Variants in UBTD2 observed in about 807,000 individuals in gnomAD.
The protein encoded by UBTD2 is ubiquitin domain-containing protein 2.
Under a neutral mutation model 19.8 loss-of-function variants are expected in UBTD2, and 9 were observed. The observed-to-expected ratio is 0.46, with a 90% CI of 0.27 to 0.79. UBTD2 has a LOEUF of 0.79. Ranked by LOEUF, UBTD2 falls within the 30% of genes least tolerant of loss-of-function variation. The pLI, the probability that UBTD2 is intolerant of heterozygous loss-of-function variation, is 0.14. For synonymous variants in UBTD2, 98 were observed against 103.9 expected (o/e 0.94, Z 0.35); for missense variants, 250 against 300.4 (o/e 0.83, Z 1.24).
chr5:172,209,956 T>G lies in UBTD2; in HGVS notation c.*1874A>C, dbSNP rs1468423438. 2 of 152,296 alleles carry G rather than the reference T, an allele frequency of 1.3e-5. No individual in the cohort carries two copies. Among genetic ancestry groups the G allele is most frequent in the Non-Finnish European group, 2.9e-5 (2 of 68,034 alleles). 9.4% of individuals were successfully genotyped at this position (152,296 alleles called of 1,614,324 possible). On this transcript the variant is annotated 3_prime_UTR_variant, in exon 3 of 3. Transcript: ENST00000393792. ...AAAAAAACAGTTTTAAACACTTTTT[T>G]CCAGTTGACAAACTTTGAGAAGTGC...
At chr5:172,232,645 G>C (rs1771925316) in intron 2 of UBTD2, among the ~76,000 whole-genome samples, 1 of 152,054 alleles carries the variant, frequency 6.6e-6, no homozygotes, top group Non-Finnish European at 1.5e-5. Context: ...AGGATTGCTT[G>C]AACCCAGGAG....
chr5:172,266,462 A>C (rs1270554115), intron 1 of UBTD2, among the ~76,000 whole-genome samples: 1 of 152,166 alleles, frequency 6.6e-6, no homozygotes, highest in Non-Finnish European at 1.5e-5. Context: ...TCTGGTTCCT[A>C]CTTCACAAGC....
chr5:172,270,702 A>T (rs1197265312), intron 1 of UBTD2, among the ~76,000 whole-genome samples: 4 of 152,130 alleles, frequency 2.6e-5, no homozygotes, highest in African/African-American at 7.2e-5. Context: ...ACACATACTG[A>T]GTATCCCTAA....
chr5:172,280,302 G>C (rs1026438959), intron 1 of UBTD2, among the ~76,000 whole-genome samples: 1 of 151,864 alleles, frequency 6.6e-6, no homozygotes, highest in Non-Finnish European at 1.5e-5. Context: ...AAGGTCAGGA[G>C]TTCAAGACCA....
intron 1 of UBTD2, among the ~76,000 whole-genome samples, chr5:172,245,418 G>A (rs1754858469): frequency 6.6e-6 from 1 of 152,168 alleles, no homozygotes; most frequent in South Asian, 2.1e-4. Context: ...GTGCATGCAT[G>A]GAACAGTCCC....
intron 2 of UBTD2, among the ~76,000 whole-genome samples, chr5:172,228,889 T>A (rs1204642773): frequency 6.6e-6 from 1 of 152,110 alleles, no homozygotes; most frequent in Non-Finnish European, 1.5e-5. Flanking sequence ...AATTTTATTA[T>A]ACATAATGCA....
intron 2 of UBTD2, among the ~76,000 whole-genome samples, chr5:172,219,534 A>G (rs1395339571): frequency 6.6e-6 from 1 of 152,216 alleles, no homozygotes; most frequent in Non-Finnish European, 1.5e-5. Context: ...TCAGATCAAC[A>G]GTTGCATTAT....
In UBTD2 at chr5:172,238,885, G is replaced by A. The variant is rs148273744; in HGVS notation, c.71-4527C>T. Among the ~76,000 whole-genome samples the A allele has an allele frequency of 5.3e-5, 8 of 152,230 alleles. No individual in the cohort carries two copies. In the East Asian group the frequency reaches 1.4e-3, roughly 26 times the overall value. The stretch of plus-strand genomic sequence containing the variant: ...TATGACTCAAGCAACAGCTTTAACC[G>A]GTTGAAAACTGGAAGCATCAGTTTC... On this transcript the variant is annotated intron_variant, in intron 1 of 2. Coordinates refer to ENST00000393792, the MANE Select transcript of UBTD2 (RefSeq NM_152277.3).
In UBTD2 at chr5:172,283,570, G is replaced by GAGGCTGCCC; in HGVS notation, c.70+17_70+25dup. The GAGGCTGCCC allele has an allele frequency of 1.5e-6, 2 of 1,290,922 alleles. No homozygotes were observed. 80.0% of individuals were successfully genotyped at this position (1,290,922 alleles called of 1,614,324 possible). A position where few individuals can be genotyped will look rare whatever the true frequency, so the allele number is the denominator to read the frequency against. ...GCCTGGCCGGGAACAATGGGGGGCC[G>GAGGCTGCCC]AGGCTGCCCCCTGGCGCTCACCTAC... On this transcript the variant is annotated intron_variant, in intron 1 of 2. Coordinates refer to ENST00000393792, the MANE Select transcript of UBTD2 (RefSeq NM_152277.3). The surrounding 1 kb of genome is among the most constrained non-coding windows in gnomAD (Gnocchi z 4.3).
rs544197876 is a variant in UBTD2, at chr5:172,244,182, G to T, written c.71-9824C>A. Among the ~76,000 whole-genome samples the T allele has an allele frequency of 1.1e-4, 16 of 152,076 alleles. No homozygotes were observed. The South Asian group carries it at 3.3e-3, about 32-fold the overall frequency. ...ATGGAAAAAATATCCTCATCTATGGGGTAGTGCTTATTTGGAACAAAAACC... is the reference window on the plus strand; with the variant it reads ...ATGGAAAAAATATCCTCATCTATGGTGTAGTGCTTATTTGGAACAAAAACC... On this transcript the variant is annotated intron_variant, in intron 1 of 2. Transcript: ENST00000393792.
At chr5:172,227,974 C>T (rs946430658) in intron 2 of UBTD2, among the ~76,000 whole-genome samples, 2 of 152,048 alleles carry the variant, frequency 1.3e-5, no homozygotes, top group African/African-American at 4.8e-5. Context: ...CCACTGTGCC[C>T]GGCCTGAAAA....
In UBTD2 at chr5:172,225,933, CT is replaced by C. The variant is rs57155195; in HGVS notation, c.307+8188del. ...TTTTCTGAGTCAGAAGGCTTAAACT[CT>C]TTTTTTTTTTTTTTTTTTTTTGAGA... On this transcript the variant is annotated intron_variant, in intron 2 of 2. Coordinates refer to ENST00000393792, the MANE Select transcript of UBTD2 (RefSeq NM_152277.3). Among the ~76,000 whole-genome samples, 429 of 107,474 alleles carry C rather than the reference CT, an allele frequency of 4.0e-3. 2 individuals carry two copies. The highest frequency in any genetic ancestry group is 0.013 in the African/African-American group (341 of 25,990). 70.5% of individuals were successfully genotyped at this position (107,474 alleles called of 152,430 possible). A position where few individuals can be genotyped will look rare whatever the true frequency, so the allele number is the denominator to read the frequency against.
At chr5:172,231,799 G>C (rs1244758959) in intron 2 of UBTD2, among the ~76,000 whole-genome samples, 1 of 152,114 alleles carries the variant, frequency 6.6e-6, no homozygotes, top group Admixed American at 6.6e-5. Flanking sequence ...AGAGAAGGAT[G>C]ATAAAACTAT....
chr5:172,253,107 G>A (rs1561860634), intron 1 of UBTD2, among the ~76,000 whole-genome samples: 1 of 152,048 alleles, frequency 6.6e-6, no homozygotes, highest in South Asian at 2.1e-4. Context: ...ATAGCTCAGT[G>A]CAGACTCAAA....
chr5:172,261,081 T>C (rs186295551), intron 1 of UBTD2, among the ~76,000 whole-genome samples: 3 of 152,312 alleles, frequency 2.0e-5, no homozygotes, highest in Admixed American at 6.5e-5. Flanking sequence ...GTACAAGCTA[T>C]GATAATGAAA....
In UBTD2 at chr5:172,258,677, G is replaced by A. The variant is rs184412180; in HGVS notation, c.71-24319C>T. The stretch of plus-strand genomic sequence containing the variant: ...TTGTTGTAGAGATCTTTCACTTCCC[G>A]CGTTGGCTGTTTTCCTAGGTATTCT... On this transcript the variant is annotated intron_variant, in intron 1 of 2. Transcript: ENST00000393792. Among the ~76,000 whole-genome samples, 177 of 152,158 alleles carry A rather than the reference G, an allele frequency of 1.2e-3. 2 individuals are homozygous for A. The highest frequency in any genetic ancestry group is 0.011 in the Admixed American group (162 of 15,260).
At chr5:172,233,576 G>C (rs549420006) in intron 2 of UBTD2, among the ~76,000 whole-genome samples, 142 of 152,172 alleles carry the variant, frequency 9.3e-4, no homozygotes, top group African/African-American at 3.1e-3. Context: ...GAATGCTCAG[G>C]GCTACAATCA....
intron 1 of UBTD2, among the ~76,000 whole-genome samples, chr5:172,282,182 A>T (rs1019357253): frequency 6.6e-6 from 1 of 152,266 alleles, no homozygotes; most frequent in Non-Finnish European, 1.5e-5. Flanking sequence ...ACACAATTAG[A>T]GGAAGATTCA....
At chr5:172,229,500 C>CAAAA (rs5873303) in intron 2 of UBTD2, among the ~76,000 whole-genome samples, 14 of 57,202 alleles carry the variant, frequency 2.4e-4, no homozygotes, top group East Asian at 1.1e-3. Flanking sequence ...GACTCCGTCT[C>CAAAA]AAAAAAAAAA....
Sources: gnomAD v4.1 joint callset for allele counts (sites outside exome capture counted in the v4.1 genomes callset) on GRCh38, gnomAD v4.1.1 for gene constraint, Gnocchi (gnomAD v3.1) non-coding constraint, MANE v1.5 for transcripts, NCBI Gene and HGNC (gene_info 2026-07-23, HGNC 2026-07-21) for gene names.